Variants in PDXDC1 observed in about 807,000 individuals in gnomAD.
PDXDC1 encodes the protein pyridoxal-dependent decarboxylase domain-containing protein 1.
Under a neutral mutation model 100.1 loss-of-function variants are expected in PDXDC1, and 42 were observed. The ratio of observed to expected loss-of-function variants is 0.42; its 90% CI spans 0.33 to 0.54. The LOEUF (loss-of-function observed/expected upper bound fraction) is 0.54, where lower values mean the gene tolerates loss of function less well. Among genes scored for constraint, PDXDC1 ranks in the 20% least tolerant of loss-of-function variants. PDXDC1 has a pLI of 0.10. For missense variants in PDXDC1, 636 were observed against 979.2 expected (o/e 0.65, Z 4.68); for synonymous variants, 260 against 371.7 (o/e 0.70, Z 3.46).
At chr16:14,983,369 G>A (rs573737321) in intron 1 of PDXDC1, among the ~76,000 whole-genome samples, 6 of 152,280 alleles carry the variant, frequency 3.9e-5, no homozygotes, top group South Asian at 2.1e-4. Context: ...TCAGGAGATC[G>A]AGGCCATCAT....
chr16:15,024,107 G>A (rs2042403571), intron 13 of PDXDC1, among the ~76,000 whole-genome samples: 1 of 152,284 alleles, frequency 6.6e-6, no homozygotes, highest in Admixed American at 6.5e-5. Context: ...ATCACCAGTT[G>A]TTTTGGAGCA....
At chr16:15,007,817 C>G (rs1362955170) in intron 6 of PDXDC1, among the ~76,000 whole-genome samples, 2 of 152,396 alleles carry the variant, frequency 1.3e-5, no homozygotes, top group African/African-American at 2.4e-5. Context: ...TGTTTGGGGA[C>G]AACAGTCTAA....
chr16:15,146,140 C>T, the PDXDC1 span, among the ~76,000 whole-genome samples: 1 of 152,194 alleles, frequency 6.6e-6, no homozygotes, highest in Non-Finnish European at 1.5e-5. Context: ...GCCAGCGCAT[C>T]ACCCACACGT....
At chr16:15,041,501 C>A, downstream of PDXDC1, 1 of 778,570 alleles carries the variant, frequency 1.3e-6, no homozygotes, top group Non-Finnish European at 2.4e-6. Flanking sequence ...CAGGAAGAGC[C>A]GGAACAGATG....
chr16:15,104,916 T>C (rs1267924893), intron 16 of PDXDC1, among the ~76,000 whole-genome samples: 1 of 152,176 alleles, frequency 6.6e-6, no homozygotes, highest in Non-Finnish European at 1.5e-5. Context: ...ATATCACCCT[T>C]CCACTGAGTA....
intron 16 of PDXDC1, among the ~76,000 whole-genome samples, chr16:15,059,870 G>A (rs540377847): frequency 2.0e-5 from 3 of 151,852 alleles, no homozygotes; most frequent in Admixed American, 6.6e-5. Flanking sequence ...TAGTGCACAC[G>A]GAAACCATCC....
intron 16 of PDXDC1, chr16:15,133,320 C>G: frequency 6.5e-7 from 1 of 1,538,744 alleles, no homozygotes; most frequent in Non-Finnish European, 8.8e-7. Context: ...TGGGGATCGG[C>G]CTGCCGCAGC....
chr16:14,995,121 A>G (rs1971678312), intron 1 of PDXDC1, among the ~76,000 whole-genome samples: 2 of 152,298 alleles, frequency 1.3e-5, no homozygotes, highest in Non-Finnish European at 2.9e-5. Context: ...TCCTAATTGA[A>G]TACCCTTTAT....
At chr16:14,977,392 G>A (rs1393659548) in intron 1 of PDXDC1, among the ~76,000 whole-genome samples, 1 of 147,976 alleles carries the variant, frequency 6.8e-6, no homozygotes, top group Non-Finnish European at 1.5e-5. Flanking sequence ...TGATTCTCCT[G>A]CCTCAGCCTC....
At chr16:15,105,048 C>CA (rs1468904955) in intron 16 of PDXDC1, among the ~76,000 whole-genome samples, 1 of 140,572 alleles carries the variant, frequency 7.1e-6, no homozygotes, top group Non-Finnish European at 1.6e-5. Context: ...AGAGTCATAA[C>CA]AGAGTAATAA....
At chr16:15,031,294 G>C (rs979875596) in intron 16 of PDXDC1, among the ~76,000 whole-genome samples, 1 of 151,980 alleles carries the variant, frequency 6.6e-6, no homozygotes. Flanking sequence ...GTAAGCCAGT[G>C]AGCCCTGAGG....
At chr16:15,130,565 G>A in intron 16 of PDXDC1, 2 of 1,380,284 alleles carry the variant, frequency 1.4e-6, no homozygotes, top group South Asian at 1.2e-5. Flanking sequence ...TCCCCACAGG[G>A]CCTGTAACCC....
rs930594912 is a variant in PDXDC1 at position 15,077,330 on chromosome 16, G to A, written c.1399+47274G>A. ...TCCTGTAAGTCACACATGTTGCTGGGGGGGGACTGGTGGGAGATAATTTGA... is the reference window on the plus strand; with the variant it reads ...TCCTGTAAGTCACACATGTTGCTGGAGGGGGACTGGTGGGAGATAATTTGA... On this transcript the variant is annotated intron_variant, in intron 16 of 16. Transcript: ENST00000535621. 5.9e-5 allele frequency among the ~76,000 whole-genome samples: 9 copies of A among 152,236 alleles called. No individual in the cohort carries two copies. The South Asian group carries it at 8.3e-4, about 14-fold the overall frequency.
intron 16 of PDXDC1, chr16:15,125,139 G>T: frequency 2.3e-6 from 1 of 440,390 alleles, no homozygotes; most frequent in African/African-American, 2.7e-5. Flanking sequence ...AGAATGGAAT[G>T]AGACTCTGTC....
intron 16 of PDXDC1, among the ~76,000 whole-genome samples, chr16:15,066,153 G>A (rs1172334893): frequency 2.0e-5 from 3 of 152,114 alleles, no homozygotes; most frequent in Non-Finnish European, 4.4e-5. Flanking sequence ...TGTTAGCCAA[G>A]GCTCACAGCA....
intron 14 of PDXDC1, among the ~76,000 whole-genome samples, chr16:15,028,202 ACT>A (rs1351163846): frequency 2.0e-5 from 3 of 152,178 alleles, no homozygotes; most frequent in Non-Finnish European, 4.4e-5. Flanking sequence ...GCTCCAGAAC[ACT>A]CTGCCCTTTC....
chr16:14,995,935 G>A (rs192559519), intron 1 of PDXDC1, among the ~76,000 whole-genome samples: 4 of 152,408 alleles, frequency 2.6e-5, no homozygotes, highest in Admixed American at 6.5e-5. Context: ...GCGTAGAGGT[G>A]TTTATAGTAT....
chr16:15,149,425 G>A, the PDXDC1 span, among the ~76,000 whole-genome samples: 8 of 152,216 alleles, frequency 5.3e-5, no homozygotes, highest in African/African-American at 1.9e-4. Context: ...TCAGGATCCA[G>A]GGACCAGAAA....
At chr16:15,017,500 T>C (rs2041881013) in intron 11 of PDXDC1, 78 bp downstream of exon 11, 1 of 1,040,724 alleles carries the variant, frequency 9.6e-7, no homozygotes, top group Non-Finnish European at 1.5e-6. Context: ...TCCAGAAAAA[T>C]ACAGGAAAAA....
Sources: allele counts gnomAD v4.1 joint callset (sites outside exome capture counted in the v4.1 genomes callset), GRCh38; gene constraint gnomAD v4.1.1; transcripts MANE v1.5; gene names NCBI Gene and HGNC (gene_info 2026-07-23, HGNC 2026-07-21).